Variants in IL1RAPL2 observed in about 807,000 individuals in gnomAD.
IL1RAPL2 encodes the protein interleukin 1 receptor accessory protein like 2.
In IL1RAPL2, 3 loss-of-function variants were observed where a neutral mutation model predicts 44.1. The ratio of observed to expected loss-of-function variants is 0.07; its 90% confidence interval spans 0.03 to 0.18. The LOEUF (loss-of-function observed/expected upper bound fraction) is 0.18. IL1RAPL2 is among the 10% of genes least tolerant of loss of function. IL1RAPL2 has a pLI of 1.00. For synonymous variants in IL1RAPL2, 181 were observed against 178.8 expected (o/e 1.01, Z -0.10); for missense variants, 391 against 496.4 (o/e 0.79, Z 2.02).
chrX:104,790,008 A>G (rs1426443685), intron 2 of IL1RAPL2, among the ~76,000 whole-genome samples: 2 of 112,214 alleles, frequency 1.8e-5, no homozygotes, highest in African/African-American at 6.5e-5. Flanking sequence ...CTGTCCACAG[A>G]CTGCTTGATT....
At chrX:105,540,906 C>A (rs866472717) in intron 6 of IL1RAPL2, among the ~76,000 whole-genome samples, 1 of 42,362 alleles carries the variant, frequency 2.4e-5, no homozygotes, top group Non-Finnish European at 4.5e-5. Context: ...ATAATACATA[C>A]ATATATTATA....
At chrX:105,392,120 A>G (rs1461634416) in intron 5 of IL1RAPL2, among the ~76,000 whole-genome samples, 1 of 108,525 alleles carries the variant, frequency 9.2e-6, no homozygotes, top group Non-Finnish European at 1.9e-5. Context: ...TGTTGTGCAC[A>G]TGTACCCTAA....
In IL1RAPL2 at chrX:105,735,824, A is replaced by G. The variant is rs750753293; in HGVS notation, c.903-4722A>G. Among the ~76,000 whole-genome samples, 5 of 111,482 alleles carry G rather than the reference A, an allele frequency of 4.5e-5. No individual in the cohort carries two copies. In the South Asian group the frequency reaches 1.9e-3, roughly 42 times the overall value. The stretch of plus-strand genomic sequence containing the variant: ...TATAGCCCAGAGCCAGGCACTTACT[A>G]AATATTGGAAAAGAATCATTTATGG... On this transcript the variant is annotated intron_variant, in intron 7 of 10. Transcript: ENST00000372582.
chrX:105,671,487 G>T (rs1297120572), intron 6 of IL1RAPL2, among the ~76,000 whole-genome samples: 1 of 110,462 alleles, frequency 9.1e-6, no homozygotes, highest in Non-Finnish European at 1.9e-5. Context: ...TTATTGTTTT[G>T]CTTTATTGCA....
At chrX:104,836,798 T>C (rs1160235800) in intron 2 of IL1RAPL2, among the ~76,000 whole-genome samples, 2 of 111,334 alleles carry the variant, frequency 1.8e-5, no homozygotes, top group South Asian at 3.8e-4. Context: ...GGTATACGTG[T>C]TCCATGGTGA....
chrX:104,895,672 G>T (rs917693788), intron 2 of IL1RAPL2, among the ~76,000 whole-genome samples: 2 of 111,822 alleles, frequency 1.8e-5, no homozygotes, highest in Non-Finnish European at 3.8e-5. Context: ...GATTTTCCAG[G>T]TGCTGTCTGT....
At chrX:105,554,717 A>T (rs903418821) in intron 6 of IL1RAPL2, among the ~76,000 whole-genome samples, 6 of 111,288 alleles carry the variant, frequency 5.4e-5, no homozygotes, top group Admixed American at 2.9e-4. Flanking sequence ...TATATTGACC[A>T]TCCAGTGAAT....
chrX:104,635,481 A>T (rs1168354948), intron 1 of IL1RAPL2, among the ~76,000 whole-genome samples: 2 of 111,889 alleles, frequency 1.8e-5, no homozygotes, highest in East Asian at 5.6e-4. Context: ...CAGGTACGCC[A>T]ATCAGACGTA....
intron 2 of IL1RAPL2, among the ~76,000 whole-genome samples, chrX:104,889,813 A>G (rs1476485876): frequency 9.1e-6 from 1 of 110,017 alleles, no homozygotes; most frequent in African/African-American, 3.3e-5. Context: ...ACTTTTTTTT[A>G]TTGTACTTTA....
rs766909965 is a variant in IL1RAPL2 at position 104,817,261 on chromosome X, A to C, written c.82+158266A>C. Among the ~76,000 whole-genome samples the C allele has an allele frequency of 1.6e-4, 18 of 112,425 alleles. No homozygotes were observed. In the East Asian group the frequency reaches 2.2e-3, roughly 14 times the overall value. On this transcript the variant is annotated intron_variant, in intron 2 of 10. Coordinates refer to ENST00000372582, the MANE Select transcript of IL1RAPL2 (RefSeq NM_017416.2). ...TACAGCCAAACAAGGTAGGCCAGAT[A>C]ATTTCTTTATGGCTGGTTTTGCCAC... is the stretch of plus-strand genomic sequence containing the variant.
At chrX:105,631,392 A>G (rs2147835268) in intron 6 of IL1RAPL2, among the ~76,000 whole-genome samples, 1 of 111,995 alleles carries the variant, frequency 8.9e-6, no homozygotes, top group South Asian at 3.7e-4. Context: ...TAATAGATAT[A>G]AACACCCCAA....
intron 2 of IL1RAPL2, among the ~76,000 whole-genome samples, chrX:104,732,359 A>G (rs770010313): frequency 2.1e-4 from 24 of 112,133 alleles, no homozygotes; most frequent in African/African-American, 7.1e-4. Flanking sequence ...TTAGTAGACA[A>G]GCATACCAAA....
chrX:105,475,500 A>G (rs1040732038), intron 5 of IL1RAPL2, among the ~76,000 whole-genome samples: 2 of 111,099 alleles, frequency 1.8e-5, no homozygotes, highest in African/African-American at 3.3e-5. Context: ...AATACTAACT[A>G]TATCCCAAGT....
At chrX:105,061,569 G>T (rs1011440754) in intron 2 of IL1RAPL2, among the ~76,000 whole-genome samples, 15 of 111,851 alleles carry the variant, frequency 1.3e-4, no homozygotes, top group Admixed American at 1.1e-3. Flanking sequence ...CTGTAGTGCA[G>T]ATTAAGTTCA....
chrX:104,671,144 ATATG>A (rs1267198583), intron 2 of IL1RAPL2, among the ~76,000 whole-genome samples: 2 of 110,817 alleles, frequency 1.8e-5, no homozygotes, highest in African/African-American at 6.6e-5. Flanking sequence ...GTGCTATTAT[ATATG>A]TATGTATAGG....
intron 5 of IL1RAPL2, chrX:105,405,691 A>G: frequency 9.9e-7 from 1 of 1,006,995 alleles, no homozygotes; most frequent in Non-Finnish European, 1.4e-6. Flanking sequence ...CTAAGAACGG[A>G]AAGAGTAAGA....
At chrX:104,916,329 C>A (rs1924429987) in intron 2 of IL1RAPL2, among the ~76,000 whole-genome samples, 2 of 111,578 alleles carry the variant, frequency 1.8e-5, no homozygotes, top group African/African-American at 6.5e-5. Flanking sequence ...CTCTTTGAAG[C>A]AATTGTGAAT....
chrX:105,159,930 T>G (rs1307624668), intron 2 of IL1RAPL2, among the ~76,000 whole-genome samples: 1 of 109,234 alleles, frequency 9.2e-6, no homozygotes, highest in Non-Finnish European at 1.9e-5. Context: ...ATTACATGGG[T>G]TAAGTGACTT....
intron 2 of IL1RAPL2, among the ~76,000 whole-genome samples, chrX:104,844,758 C>T (rs1321730568): frequency 9.0e-6 from 1 of 111,598 alleles, no homozygotes; most frequent in Non-Finnish European, 1.9e-5. Context: ...AAACTTTTTC[C>T]AAATGAAATG....
Sources: allele counts gnomAD v4.1 joint callset (sites outside exome capture counted in the v4.1 genomes callset), GRCh38; gene constraint gnomAD v4.1.1; transcripts MANE v1.5; gene names NCBI Gene and HGNC (gene_info 2026-07-23, HGNC 2026-07-21).